Variants in IL2RB observed in about 807,000 individuals in gnomAD.
IL2RB encodes interleukin-2 receptor subunit beta.
In IL2RB, 17 loss-of-function variants were observed where a neutral mutation model predicts 44.2. The ratio of observed to expected loss-of-function variants is 0.38; its 90% CI spans 0.26 to 0.58. IL2RB has a LOEUF of 0.58. IL2RB is among the 20% of genes least tolerant of loss of function. The probability of loss-of-function intolerance (pLI) is 0.63; values close to 1 mark genes in which losing one functional copy is unlikely to be tolerated. For missense variants in IL2RB, 624 were observed against 685.5 expected (o/e 0.91, Z 1.00); for synonymous variants, 286 against 297.9 (o/e 0.96, Z 0.41).
chr22:37,132,517 G>A (rs757197642), intron 8 of IL2RB, 49 bp from the exon 9 acceptor site: 29 of 1,393,652 alleles, frequency 2.1e-5, no homozygotes, highest in Admixed American at 1.6e-4. Context: ...GGGAAGGACC[G>A]CGGTGTTATG....
rs748666270 is a variant in IL2RB, at chr22:37,142,419, G to A, written c.282+15C>T. 1.2e-6 allele frequency: 2 copies of A among 1,612,050 alleles called. No homozygotes were observed. Among genetic ancestry groups the A allele is most frequent in the Non-Finnish European group, 1.7e-6 (2 of 1,178,116 alleles). On this transcript the variant is annotated intron_variant, in intron 4 of 9. Coordinates refer to ENST00000216223, the MANE Select transcript of IL2RB (RefSeq NM_000878.5). ...CACCCTCTCCCTGCACTCTCTCCCT[G>A]GGTGGGCTACTCACATCTGGGGCTC...
rs3218257 is a variant in IL2RB at position 37,148,293 on chromosome 22, C to T, written c.-34+1532G>A. 3.6e-3 allele frequency among the ~76,000 whole-genome samples: 543 copies of T among 152,292 alleles called. 7 individuals carry two copies. The highest frequency in any genetic ancestry group is 0.012 in the African/African-American group (513 of 41,556). Reference sequence around the variant, plus strand: ...GCCTGGCAGTCACTGAGGCTGCACCCTCATTCTGCAATGGGGAAGCTGTGC... The same window carrying T: ...GCCTGGCAGTCACTGAGGCTGCACCTTCATTCTGCAATGGGGAAGCTGTGC... On this transcript the variant is annotated intron_variant, in intron 1 of 9. Coordinates refer to ENST00000216223, the MANE Select transcript of IL2RB (RefSeq NM_000878.5).
rs771908065 is a variant in IL2RB at position 37,143,687 on chromosome 22, C to T, written c.89-52G>A. 2.6e-4 allele frequency: 326 copies of T among 1,268,842 alleles called. 1 individual carries two copies. Among genetic ancestry groups the T allele is most frequent in the Non-Finnish European group, 3.6e-4 (311 of 867,180 alleles). The allele number at this position is 1,268,842 out of a possible 1,614,324, so 78.6% of individuals were successfully genotyped here. On this transcript the variant is annotated intron_variant, in intron 2 of 9. Transcript: ENST00000216223. ...CTGACTGTAGGTGCCCACAGCCCCC[C>T]CAAGACACGCCCACTGCCCCTGCAC...
At chr22:37,171,778 A>G (rs1451873732) in intron 1 of IL2RB, among the ~76,000 whole-genome samples, 1 of 152,238 alleles carries the variant, frequency 6.6e-6, no homozygotes, top group Non-Finnish European at 1.5e-5. Flanking sequence ...TATGGGATTT[A>G]TAGATGCAGT....
intron 1 of IL2RB, among the ~76,000 whole-genome samples, chr22:37,168,600 G>T (rs1393322396): frequency 2.6e-5 from 4 of 152,232 alleles, no homozygotes; most frequent in Non-Finnish European, 5.9e-5. Flanking sequence ...ATGAGATTGT[G>T]CACACAGAGA....
chr22:37,142,544 C>T, intron 3 of IL2RB, 32 bp from the exon 4 acceptor site: 1 of 1,601,516 alleles, frequency 6.2e-7, no homozygotes, highest in Non-Finnish European at 8.6e-7. Context: ...TTTAGAAGAA[C>T]AGGAAGGACC....
chr22:37,152,473 G>A (rs967664332), upstream of IL2RB, among the ~76,000 whole-genome samples: 6 of 152,222 alleles, frequency 3.9e-5, no homozygotes, highest in South Asian at 2.1e-4. Context: ...TTGTGGTGGC[G>A]TTTTTAGGCT....
intron 1 of IL2RB, among the ~76,000 whole-genome samples, chr22:37,147,809 G>A (rs1601605628): frequency 6.6e-6 from 1 of 152,246 alleles, no homozygotes. Context: ...GCTCCCCAGG[G>A]TGGGGGCTGC....
intron 1 of IL2RB, among the ~76,000 whole-genome samples, chr22:37,158,135 G>T (rs1922742248): frequency 6.6e-6 from 1 of 152,150 alleles, no homozygotes. Context: ...GAACACGTGT[G>T]TACAAAGTAA....
chr22:37,161,683 A>G (rs1053553677), intron 1 of IL2RB: 1 of 151,876 alleles, frequency 6.6e-6, no homozygotes, highest in African/African-American at 2.4e-5. Context: ...TCCCCCAATC[A>G]GAAGCCAGCT....
At chr22:37,155,356 T>A (rs1922642303) in intron 1 of IL2RB, among the ~76,000 whole-genome samples, 1 of 152,090 alleles carries the variant, frequency 6.6e-6, no homozygotes, top group African/African-American at 2.4e-5. Context: ...TCAAATCACG[T>A]CATTTCACCC....
At position 37,139,196 on chromosome 22, in the gene IL2RB, G is replaced by A. The variant is rs200052713; in HGVS notation, c.309C>T (p.Ile103=). The change falls in exon 5 of 10, where the codon ATC becomes ATT. Residue 103 remains isoleucine (I), a synonymous_variant. Coordinates refer to ENST00000216223, the MANE Select transcript of IL2RB (RefSeq NM_000878.5). ...PDSQKLTTVD[I]VTLRVLCREG... ...CACGGCACAGCACCCTCAGGGTGAC[G>A]ATGTCAACTGTGGTCAGTTTCTGAG... 63 of 1,613,186 alleles carry A rather than the reference G, an allele frequency of 3.9e-5. No individual in the cohort carries two copies. In the East Asian group the frequency reaches 1.3e-3, roughly 33 times the overall value.
At chr22:37,129,330 T>C (rs228944) in intron 9 of IL2RB, among the ~76,000 whole-genome samples, 48,465 of 152,126 alleles carry the variant, frequency 0.32, 7,878 homozygotes, top group East Asian at 0.36. Flanking sequence ...GCCCTGGCCC[T>C]GATCACAGAC....
chr22:37,137,387 G>T (rs1430997096), intron 6 of IL2RB, among the ~76,000 whole-genome samples, 200 bp downstream of exon 6: 1 of 152,182 alleles, frequency 6.6e-6, no homozygotes, highest in Admixed American at 6.5e-5. Context: ...GCTGCCAGCT[G>T]GATCCCCAGG....
intron 1 of IL2RB, among the ~76,000 whole-genome samples, chr22:37,165,701 A>T (rs12160015): frequency 0.077 from 9,981 of 130,330 alleles, 1,125 homozygotes; most frequent in African/African-American, 0.29. Flanking sequence ...AATTTAATTT[A>T]ATTTAATTTT....
intron 1 of IL2RB, among the ~76,000 whole-genome samples, chr22:37,173,162 A>G (rs910045503): frequency 2.2e-4 from 34 of 152,208 alleles, no homozygotes; most frequent in African/African-American, 7.9e-4. Context: ...CAGCTGTGCT[A>G]TGTCTCTCAT....
At chr22:37,150,489 G>C (rs190517880), upstream of IL2RB, among the ~76,000 whole-genome samples, 6 of 152,222 alleles carry the variant, frequency 3.9e-5, no homozygotes, top group Non-Finnish European at 7.4e-5. Context: ...TGAGGCACAT[G>C]AGCTATTTTG....
Position 37,141,509 on chromosome 22 carries a change from C to T in IL2RB, c.282+925G>A, listed in dbSNP as rs1228016172. Among the ~76,000 whole-genome samples the T allele has an allele frequency of 1.3e-5, 2 of 151,924 alleles. No individual in the cohort carries two copies. Among genetic ancestry groups the T allele is most frequent in the East Asian group, 3.9e-4 (2 of 5,168 alleles). ...GTGTGAGTCGGGGACAAGCGGGACC[C>T]CTGCCCCTTCCGAGGTAGCCAGGAG... On this transcript the variant is annotated intron_variant, in intron 4 of 9. Transcript: ENST00000216223. This position sits in a 1 kb window ranked among gnomAD's most constrained non-coding sequence, Gnocchi z 4.4.
intron 1 of IL2RB, among the ~76,000 whole-genome samples, chr22:37,170,452 C>T (rs900826842): frequency 2.0e-5 from 3 of 152,152 alleles, no homozygotes; most frequent in Non-Finnish European, 4.4e-5. Context: ...GCACTGTCCC[C>T]GCTGCCCCCA....
Sources: gnomAD v4.1 joint callset for allele counts (sites outside exome capture counted in the v4.1 genomes callset) on GRCh38, gnomAD v4.1.1 for gene constraint, Gnocchi (gnomAD v3.1) non-coding constraint, MANE v1.5 for transcripts, NCBI Gene and HGNC (gene_info 2026-07-23, HGNC 2026-07-21) for gene names.